DLGAP1: variants seen among roughly 807,000 people sequenced by gnomAD.
DLGAP1 encodes the protein DLG associated protein 1.
DLGAP1 carries 11 observed loss-of-function variants against 90.8 expected under a neutral mutation model. The observed-to-expected ratio is 0.12, with a 90% CI of 0.08 to 0.20. The LOEUF (loss-of-function observed/expected upper bound fraction) is 0.20. Ranked by LOEUF, DLGAP1 falls within the 10% of genes least tolerant of loss-of-function variation. The probability of loss-of-function intolerance (pLI) is 1.00; values close to 1 mark genes in which losing one functional copy is unlikely to be tolerated. For synonymous variants in DLGAP1, 558 were observed against 540.7 expected (o/e 1.03, Z -0.44); for missense variants, 1,050 against 1,333.8 (o/e 0.79, Z 3.31).
intron 1 of DLGAP1, among the ~76,000 whole-genome samples, chr18:4,406,450 G>T (rs1031708760): frequency 1.3e-5 from 2 of 152,190 alleles, no homozygotes; most frequent in African/African-American, 2.4e-5. Context: ...TTGCAGAGTT[G>T]TAAGGGTGTT....
intron 3 of DLGAP1, among the ~76,000 whole-genome samples, chr18:3,928,008 T>C (rs1356495223): frequency 1.3e-5 from 2 of 152,172 alleles, no homozygotes; most frequent in Non-Finnish European, 2.9e-5. Flanking sequence ...TGCTGGGGAA[T>C]TTTTGCCCCC....
intron 2 of DLGAP1, among the ~76,000 whole-genome samples, chr18:4,023,722 A>G (rs1369778364): frequency 1.3e-5 from 2 of 152,172 alleles, no homozygotes. Flanking sequence ...TGTAGGTGTC[A>G]TCTAGTTCAA....
intron 3 of DLGAP1, chr18:3,977,838 C>T (rs940076066): frequency 2.6e-6 from 1 of 391,648 alleles, no homozygotes; most frequent in Non-Finnish European, 5.0e-6. Flanking sequence ...CCAGGATGCC[C>T]TCAAGGGTCC....
intron 4 of DLGAP1, among the ~76,000 whole-genome samples, chr18:3,862,646 A>C (rs79800821): frequency 0.027 from 4,097 of 152,318 alleles, 176 homozygotes; most frequent in African/African-American, 0.09. Context: ...GTGACTAATA[A>C]AAGGTGGCTA....
At chr18:4,265,530 TCCTTCCTTCCCTCC>T (rs1216403215) in intron 1 of DLGAP1, among the ~76,000 whole-genome samples, 1 of 145,884 alleles carries the variant, frequency 6.9e-6, no homozygotes, top group African/African-American at 2.7e-5. Context: ...TTTCTTTCCT[TCCTTCCTTCCCTCC>T]CCTTCCTTCC....
rs749433965 is a variant in DLGAP1 at position 4,378,508 on chromosome 18, G to T, written c.-267+76498C>A. On this transcript the variant is annotated intron_variant, in intron 1 of 12. Coordinates refer to ENST00000315677, the MANE Select transcript of DLGAP1 (RefSeq NM_004746.4). The surrounding 1 kb of genome is among the most constrained non-coding windows in gnomAD (Gnocchi z 4.5). ...TATTGGTAAGTAGGTTTGATACCTT[G>T]AGACGAAATATCAAGATTTATCTTC... 6.6e-6 allele frequency among the ~76,000 whole-genome samples: 1 copy of T among 152,058 alleles called. No individual in the cohort carries two copies. The highest frequency in any genetic ancestry group is 1.5e-5 in the Non-Finnish European group (1 of 67,978).
At chr18:3,821,552 A>G (rs577954361) in intron 4 of DLGAP1, among the ~76,000 whole-genome samples, 1 of 152,328 alleles carries the variant, frequency 6.6e-6, no homozygotes, top group South Asian at 2.1e-4. Flanking sequence ...CTAATTTTCT[A>G]GCACTGCTAA....
intron 3 of DLGAP1, among the ~76,000 whole-genome samples, chr18:3,890,853 C>A (rs549149273): frequency 6.6e-6 from 1 of 152,316 alleles, no homozygotes; most frequent in South Asian, 2.1e-4. Context: ...CTCAGCCTCC[C>A]AAAGTGCTGG....
chr18:4,167,361 T>C (rs769264505), intron 1 of DLGAP1, among the ~76,000 whole-genome samples: 7 of 152,170 alleles, frequency 4.6e-5, no homozygotes, highest in Non-Finnish European at 7.4e-5. Context: ...TGTGGCTATG[T>C]TAATGTCAGA....
chr18:4,056,071 G>C (rs933931936), intron 2 of DLGAP1, among the ~76,000 whole-genome samples: 1 of 152,176 alleles, frequency 6.6e-6, no homozygotes, highest in Non-Finnish European at 1.5e-5. Context: ...ACATATTCAT[G>C]TGGTATATAA....
At chr18:4,262,985 T>G (rs2079032914) in intron 1 of DLGAP1, among the ~76,000 whole-genome samples, 1 of 152,008 alleles carries the variant, frequency 6.6e-6, no homozygotes. Context: ...TAGGCTAGAG[T>G]GCAGTGGTGT....
At chr18:3,528,298 G>A (rs2051778345) in intron 10 of DLGAP1, among the ~76,000 whole-genome samples, 1 of 152,182 alleles carries the variant, frequency 6.6e-6, no homozygotes, top group Non-Finnish European at 1.5e-5. Flanking sequence ...CTTAGAATTT[G>A]GCTATGCCTG....
intron 1 of DLGAP1, among the ~76,000 whole-genome samples, chr18:4,353,814 G>A (rs183399882): frequency 6.6e-6 from 1 of 151,966 alleles, no homozygotes; most frequent in Non-Finnish European, 1.5e-5. Context: ...TTAGTGTTGG[G>A]CTAATCAGTT....
intron 1 of DLGAP1, among the ~76,000 whole-genome samples, chr18:4,257,973 ATGTGTGTGTGTGTGTG>A (rs10625642): frequency 1.4e-5 from 2 of 141,358 alleles, no homozygotes; most frequent in Non-Finnish European, 1.5e-5. Flanking sequence ...AGTTATACAT[ATGTGTGTGTGTGTGTG>A]TGTGTGTGTG....
At chr18:4,063,046 G>C (rs1385728141) in intron 2 of DLGAP1, among the ~76,000 whole-genome samples, 1 of 151,912 alleles carries the variant, frequency 6.6e-6, no homozygotes, top group East Asian at 1.9e-4. Context: ...CTTTTTTTAT[G>C]TTTAGACAAA....
At chr18:4,098,737 T>C (rs189074430) in intron 2 of DLGAP1, among the ~76,000 whole-genome samples, 11 of 152,280 alleles carry the variant, frequency 7.2e-5, no homozygotes, top group Admixed American at 4.6e-4. Flanking sequence ...GCACTGAGAT[T>C]GTAGAAAGGT....
intron 3 of DLGAP1, among the ~76,000 whole-genome samples, chr18:4,001,136 T>G (rs2074177077): frequency 6.6e-6 from 1 of 151,708 alleles, no homozygotes; most frequent in African/African-American, 2.4e-5. Context: ...TTTCTATTTT[T>G]CTTAAGGAAC....
chr18:4,368,780 T>C, intron 1 of DLGAP1, among the ~76,000 whole-genome samples: 1 of 14,484 alleles, frequency 6.9e-5, no homozygotes, highest in Non-Finnish European at 2.2e-4. Context: ...AGGTTTTAAA[T>C]AAAGTATTAA....
intron 1 of DLGAP1, among the ~76,000 whole-genome samples, chr18:4,446,439 AAGCAGC>A (rs139464015): frequency 2.6e-5 from 4 of 151,242 alleles, no homozygotes; most frequent in African/African-American, 4.9e-5. Flanking sequence ...TTGTGAAGTC[AAGCAGC>A]AGCAGCAGCA....
Sources: allele counts gnomAD v4.1 joint callset (sites outside exome capture counted in the v4.1 genomes callset), GRCh38; gene constraint gnomAD v4.1.1; non-coding constraint Gnocchi (gnomAD v3.1); transcripts MANE v1.5; gene names NCBI Gene and HGNC (gene_info 2026-07-23, HGNC 2026-07-21).